Variants in NOL4L observed in about 807,000 individuals in gnomAD.
The protein encoded by NOL4L is nucleolar protein 4 like.
Under a neutral mutation model 64.5 loss-of-function variants are expected in NOL4L, and 7 were observed. The observed-to-expected ratio is 0.11, with a 90% CI of 0.06 to 0.20. NOL4L has a LOEUF of 0.20. Ranked by LOEUF, NOL4L falls within the 10% of genes least tolerant of loss-of-function variation. NOL4L has a pLI of 1.00. For missense variants in NOL4L, 680 were observed against 967.1 expected (o/e 0.70, Z 3.94); for synonymous variants, 413 against 401.0 (o/e 1.03, Z -0.36).
At chr20:32,488,801 T>C (rs1173323981) in intron 4 of NOL4L, among the ~76,000 whole-genome samples, 1 of 22,932 alleles carries the variant, frequency 4.4e-5, no homozygotes, top group East Asian at 3.6e-3. Flanking sequence ...CTTTCTTTCT[T>C]TCTTTTTCTT....
Position 32,584,374 on chromosome 20 carries a change from C to A in NOL4L, c.321+196G>T, listed in dbSNP as rs868591978. On this transcript the variant is annotated intron_variant, in intron 1 of 10. Coordinates refer to ENST00000621426, the MANE Select transcript of NOL4L (RefSeq NM_001256798.2). ...AGCGGCGCGGAGGGGGGCAGGGACGCCCCGAACCCGGAGCGCTGCCCAGGC... is the reference window on the plus strand; with the variant it reads ...AGCGGCGCGGAGGGGGGCAGGGACGACCCGAACCCGGAGCGCTGCCCAGGC... 1.7e-4 allele frequency among the ~76,000 whole-genome samples: 26 copies of A among 151,586 alleles called. No homozygotes were observed. The Middle Eastern group carries it at 0.014, about 80-fold the overall frequency.
At chr20:32,531,418 G>A (rs1346310828) in intron 1 of NOL4L, among the ~76,000 whole-genome samples, 1 of 151,036 alleles carries the variant, frequency 6.6e-6, no homozygotes, top group Non-Finnish European at 1.5e-5. Flanking sequence ...CCATCAGGCT[G>A]GAGTGCTCAC....
At chr20:32,483,045 G>A (rs992495361) in intron 4 of NOL4L, among the ~76,000 whole-genome samples, 65 of 150,844 alleles carry the variant, frequency 4.3e-4, no homozygotes, top group Non-Finnish European at 7.6e-4. Context: ...GCGACCCTGG[G>A]CGCTCAGGGC....
chr20:32,502,131 A>G (rs760961466), intron 4 of NOL4L, among the ~76,000 whole-genome samples: 18 of 152,198 alleles, frequency 1.2e-4, no homozygotes, highest in Admixed American at 2.0e-4. Flanking sequence ...AAAAGCCCCA[A>G]TTGAAAAATC....
At chr20:32,525,089 G>A (rs565094571) in intron 2 of NOL4L, among the ~76,000 whole-genome samples, 5 of 152,338 alleles carry the variant, frequency 3.3e-5, no homozygotes, top group South Asian at 4.1e-4. Context: ...TGGGGCACGC[G>A]GCAGGCATAT....
At chr20:32,584,011 G>A (rs1464611250) in intron 1 of NOL4L, among the ~76,000 whole-genome samples, 1 of 147,886 alleles carries the variant, frequency 6.8e-6, no homozygotes, top group South Asian at 2.1e-4. Context: ...GGGTGGGGTC[G>A]GGGCGACAGT....
chr20:32,535,960 T>A, intron 1 of NOL4L: 4 of 984,796 alleles, frequency 4.1e-6, no homozygotes, highest in Non-Finnish European at 4.8e-6. Context: ...AGGGAGAGGG[T>A]CCACAGGAGG....
rs369422152 is a variant in NOL4L, at chr20:32,523,912, C to A, written c.478-2990G>T. ...TTTCACTCCCCAACTCAGAGGCCAA[C>A]AAAGACAGATGAGGCCAATTGGGGG... is the stretch of plus-strand genomic sequence containing the variant. On this transcript the variant is annotated intron_variant, in intron 2 of 10. Transcript: ENST00000621426. 5.9e-5 allele frequency among the ~76,000 whole-genome samples: 9 copies of A among 152,310 alleles called. No individual in the cohort carries two copies. In the East Asian group the frequency reaches 9.6e-4, roughly 16 times the overall value.
At position 32,463,302 on chromosome 20, in the gene NOL4L, T is replaced by C. The variant is rs1321718001; in HGVS notation, c.842-6907A>G. ...ACCTCTTGTCCCCACCTGGTCCCCA[T>C]CTTGCTGCTTCCATGAGGCCCCTCC... On this transcript the variant is annotated intron_variant, in intron 5 of 10. Transcript: ENST00000621426. The surrounding 1 kb of genome is among the most constrained non-coding windows in gnomAD (Gnocchi z 5.8). Among the ~76,000 whole-genome samples the C allele has an allele frequency of 1.3e-5, 2 of 152,108 alleles. No homozygotes were observed.
At chr20:32,570,720 A>G (rs2145620171) in intron 1 of NOL4L, among the ~76,000 whole-genome samples, 1 of 152,314 alleles carries the variant, frequency 6.6e-6, no homozygotes. Context: ...TTTTTCCTGA[A>G]TAGACAAAAA....
chr20:32,467,882 G>A (rs1487301663), intron 5 of NOL4L, among the ~76,000 whole-genome samples: 1 of 152,194 alleles, frequency 6.6e-6, no homozygotes, highest in African/African-American at 2.4e-5. Flanking sequence ...GGGCCAAGGA[G>A]AAGAGGCCAA....
At chr20:32,579,843 C>T in intron 1 of NOL4L, among the ~76,000 whole-genome samples, 1 of 152,106 alleles carries the variant, frequency 6.6e-6, no homozygotes, top group East Asian at 1.9e-4. Context: ...TGCCAGGCAT[C>T]ACTGTCAACC....
chr20:32,515,974 A>G (rs1448409484), intron 3 of NOL4L, among the ~76,000 whole-genome samples: 1 of 152,232 alleles, frequency 6.6e-6, no homozygotes, highest in Non-Finnish European at 1.5e-5. Flanking sequence ...TGCTTGGGCC[A>G]AGCCAGGTTG....
rs2015316585 is a variant in NOL4L, at chr20:32,475,280, T to C, written c.700-538A>G. The C allele has an allele frequency of 7.1e-6, 7 of 985,370 alleles. No homozygotes were observed. The South Asian group carries it at 2.3e-4, about 33-fold the overall frequency. The allele number at this position is 985,370 out of a possible 1,614,324, so 61.0% of individuals were successfully genotyped here. On this transcript the variant is annotated intron_variant, in intron 4 of 10. Coordinates refer to ENST00000621426, the MANE Select transcript of NOL4L (RefSeq NM_001256798.2). ...CCAGAGGACGTTTCTGTCTTCCTCC[T>C]TCCTAACCTTTGCTGTGCTTCAAAG... is the stretch of plus-strand genomic sequence containing the variant.
Position 32,453,509 on chromosome 20 carries a change from G to A in NOL4L, c.1306-14C>T. The stretch of plus-strand genomic sequence containing the variant: ...ACGCACAAACATCTGTGGAGACACG[G>A]GCCATGGGAAGGGCTGGCCCTGGCC... On this transcript the variant is annotated splice_polypyrimidine_tract_variant and intron_variant, in intron 7 of 10. Coordinates refer to ENST00000621426, the MANE Select transcript of NOL4L (RefSeq NM_001256798.2). The surrounding 1 kb of genome is among the most constrained non-coding windows in gnomAD (Gnocchi z 5.6). The A allele has an allele frequency of 6.2e-7, 1 of 1,613,456 alleles. No homozygotes were observed. Among genetic ancestry groups the A allele is most frequent in the Non-Finnish European group, 8.5e-7 (1 of 1,179,396 alleles).
intron 1 of NOL4L, among the ~76,000 whole-genome samples, chr20:32,578,156 G>T: frequency 7.6e-6 from 1 of 131,188 alleles, no homozygotes; most frequent in Admixed American, 7.5e-5. Flanking sequence ...GGGAGGGAGG[G>T]AGGGAGGGAG....
At chr20:32,526,378 C>G (rs1326075076) in intron 2 of NOL4L, among the ~76,000 whole-genome samples, 2 of 152,052 alleles carry the variant, frequency 1.3e-5, no homozygotes, top group East Asian at 1.9e-4. Context: ...AGACCATCAC[C>G]ATCTCCTGCC....
intron 1 of NOL4L, among the ~76,000 whole-genome samples, chr20:32,568,469 C>A (rs1278647455): frequency 6.6e-6 from 1 of 152,050 alleles, no homozygotes; most frequent in African/African-American, 2.4e-5. Context: ...TACAGCCTCC[C>A]TGGACCTCAG....
intron 5 of NOL4L, among the ~76,000 whole-genome samples, chr20:32,468,975 C>CA (rs1292100166): frequency 6.6e-6 from 1 of 151,552 alleles, no homozygotes; most frequent in Non-Finnish European, 1.5e-5. Context: ...CAGGAGTGGC[C>CA]AAAACGCTGG....
Sources: allele counts gnomAD v4.1 joint callset (sites outside exome capture counted in the v4.1 genomes callset), GRCh38; gene constraint gnomAD v4.1.1; non-coding constraint Gnocchi (gnomAD v3.1); transcripts MANE v1.5; gene names NCBI Gene and HGNC (gene_info 2026-07-23, HGNC 2026-07-21).